Variants in APPL2 observed in about 807,000 individuals in gnomAD.
The protein encoded by APPL2 is adaptor protein, phosphotyrosine interacting with PH domain and leucine zipper 2, also known as DCC-interacting protein 13-beta.
A neutral mutation model predicts 92.7 loss-of-function variants in APPL2; 84 were observed. The observed-to-expected ratio is 0.91, with a 90% CI of 0.76 to 1.09. The LOEUF is 1.09. Among genes scored for constraint, APPL2 ranks in the 50% least tolerant of loss-of-function variants. The pLI, the probability that APPL2 is intolerant of heterozygous loss-of-function variation, is 0.00. For synonymous variants in APPL2, 291 were observed against 291.0 expected, an observed-to-expected ratio of 1.00 and a Z score of 0.00; for missense variants, 736 against 824.5, an observed-to-expected ratio of 0.89 and a Z score of 1.31.
Position 105,203,712 on chromosome 12 carries a change from A to C in APPL2, c.695T>G (p.Met232Arg), listed in dbSNP as rs769148219. The change falls in exon 9 of 21, where the codon ATG becomes AGG. Residue 232 changes from methionine to arginine, a missense_variant. Met to Arg is a moderately conservative substitution (Grantham distance 91). Coordinates refer to ENST00000258530, the MANE Select transcript of APPL2 (RefSeq NM_018171.5). ...MDSFLSSVAD[M>R]VQSIQVELEA... ...CGGAGTGCAGCATTACCTTTGAACCATGTCTGCAACGGAGGATAAAAAGCT... is the reference window on the plus strand; with the variant it reads ...CGGAGTGCAGCATTACCTTTGAACCCTGTCTGCAACGGAGGATAAAAAGCT... 4.3e-6 allele frequency: 7 copies of C among 1,614,084 alleles called. No individual in the cohort carries two copies. The South Asian group carries it at 6.6e-5, about 15-fold the overall frequency.
At chr12:105,179,130 T>C (rs888675919) in intron 17 of APPL2, among the ~76,000 whole-genome samples, 18 of 152,130 alleles carry the variant, frequency 1.2e-4, no homozygotes, top group Admixed American at 2.0e-4. Context: ...ATGCTATCCC[T>C]CCCCTTGACA....
chr12:105,197,715 G>C (rs769585894), intron 11 of APPL2, 50 bp downstream of exon 11: 1 of 1,608,046 alleles, frequency 6.2e-7, no homozygotes, highest in African/African-American at 1.3e-5. Context: ...CTTGGAACGG[G>C]TGGAACCACT....
chr12:105,234,740 T>C (rs1433852721), intron 1 of APPL2, among the ~76,000 whole-genome samples: 1 of 152,164 alleles, frequency 6.6e-6, no homozygotes, highest in African/African-American at 2.4e-5. Context: ...AAATGCCTTC[T>C]ACCAAGGGCT....
chr12:105,217,526 G>A, intron 3 of APPL2, 140 bp downstream of exon 3: 1 of 766,552 alleles, frequency 1.3e-6, no homozygotes, highest in Non-Finnish European at 2.1e-6. Flanking sequence ...CAATACATCA[G>A]TGGAAGGGAA....
intron 4 of APPL2, 82 bp downstream of exon 4, chr12:105,216,987 A>T: frequency 1.0e-6 from 1 of 998,926 alleles, no homozygotes; most frequent in Non-Finnish European, 1.5e-6. Context: ...GTAGAAATTT[A>T]AAAATGGAAA....
intron 17 of APPL2, among the ~76,000 whole-genome samples, chr12:105,179,668 G>A (rs1215037442): frequency 3.9e-5 from 6 of 152,042 alleles, no homozygotes; most frequent in Non-Finnish European, 7.4e-5. Context: ...TTTAATGATC[G>A]CCATTCTAAC....
chr12:105,185,304 C>A (rs889658058), intron 17 of APPL2, among the ~76,000 whole-genome samples: 2 of 152,044 alleles, frequency 1.3e-5, no homozygotes, highest in Admixed American at 6.6e-5. Flanking sequence ...CACTGGGGTG[C>A]GAAAAAAATT....
intron 9 of APPL2, 61 bp from the exon 10 acceptor site, chr12:105,199,592 G>T: frequency 6.5e-7 from 1 of 1,535,020 alleles, no homozygotes; most frequent in Non-Finnish European, 8.8e-7. Context: ...CTACTAAGAA[G>T]CCACTGGCAG....
intron 5 of APPL2, among the ~76,000 whole-genome samples, chr12:105,209,570 T>G (rs1006556592): frequency 1.3e-5 from 2 of 152,136 alleles, no homozygotes; most frequent in African/African-American, 4.8e-5. Flanking sequence ...TCTTAGGAGA[T>G]GATTATTTTC....
At chr12:105,225,811 T>C (rs555189568) in intron 2 of APPL2, among the ~76,000 whole-genome samples, 1 of 152,246 alleles carries the variant, frequency 6.6e-6, no homozygotes, top group Non-Finnish European at 1.5e-5. Context: ...AAACTGCTCA[T>C]AGAAGTTTTC....
At chr12:105,189,716 T>C in intron 16 of APPL2, 56 bp downstream of exon 16, 1 of 1,527,186 alleles carries the variant, frequency 6.5e-7, no homozygotes, top group South Asian at 1.1e-5. Context: ...CTTATTTCAA[T>C]GGCCGTTGTC....
At position 105,188,352 on chromosome 12, in the gene APPL2, G is replaced by T; in HGVS notation, c.1555C>A (p.Gln519Lys). The change falls in exon 17 of 21, where the codon CAA (glutamine) becomes AAA (lysine). Residue 519 changes from glutamine to lysine, a missense_variant. Gln to Lys is a moderately conservative substitution (Grantham distance 53). Transcript: ENST00000258530. ...TTEVIYEAMR[Q>K]VLAARAIHNI... Reference sequence around the variant, plus strand: ...TGAATAGCCCGAGCAGCCAATACTTGTCTCATCGCTTCATAAATCACTTCA... The same window carrying T: ...TGAATAGCCCGAGCAGCCAATACTTTTCTCATCGCTTCATAAATCACTTCA... 2 of 1,614,192 alleles carry T rather than the reference G, an allele frequency of 1.2e-6. No homozygotes were observed. The highest frequency in any genetic ancestry group is 1.3e-5 in the African/African-American group (1 of 75,064).
chr12:105,183,202 CTT>C (rs1268076166), intron 17 of APPL2, among the ~76,000 whole-genome samples: 10 of 150,032 alleles, frequency 6.7e-5, no homozygotes, highest in Non-Finnish European at 1.3e-4. Context: ...GGTCTTGACT[CTT>C]TATCCAATGT....
intron 2 of APPL2, among the ~76,000 whole-genome samples, chr12:105,219,343 T>A (rs767889929): frequency 9.8e-5 from 15 of 152,324 alleles, no homozygotes; most frequent in Non-Finnish European, 1.8e-4. Flanking sequence ...GTGGCTCTTT[T>A]TCCTCAGAAG....
chr12:105,226,783 A>G (rs901548659), intron 2 of APPL2, among the ~76,000 whole-genome samples: 3 of 152,180 alleles, frequency 2.0e-5, no homozygotes, highest in African/African-American at 7.2e-5. Context: ...CGAAGTTCTC[A>G]TTTCTCTAAA....
intron 16 of APPL2, 51 bp from the exon 17 acceptor site, chr12:105,188,498 T>G (rs1886927619): frequency 1.3e-6 from 2 of 1,595,156 alleles, no homozygotes; most frequent in African/African-American, 2.7e-5. Flanking sequence ...CTGCTGCTGT[T>G]GATCTGCATA....
chr12:105,227,253 T>C (rs549156843), intron 2 of APPL2, among the ~76,000 whole-genome samples: 3 of 152,270 alleles, frequency 2.0e-5, no homozygotes, highest in Middle Eastern at 3.4e-3. Context: ...CCTCCCGTCT[T>C]GGTCTCCCAA....
At chr12:105,193,192 T>C (rs142572369) in intron 14 of APPL2, among the ~76,000 whole-genome samples, 3 of 152,290 alleles carry the variant, frequency 2.0e-5, no homozygotes, top group Non-Finnish European at 2.9e-5. Context: ...TTGCTTATTC[T>C]AGAATAGGGG....
chr12:105,174,179 G>C lies in APPL2; in HGVS notation c.*135C>G. ...TTTCCCTCCCAAGTCTCAGTATCAA[G>C]GCATCAAGATTACATTCCACAAACG... On this transcript the variant is annotated 3_prime_UTR_variant, in exon 21 of 21. Transcript: ENST00000258530. 1 of 1,067,128 alleles carries C rather than the reference G, an allele frequency of 9.4e-7. No homozygotes were observed. The highest frequency in any genetic ancestry group is 1.3e-6 in the Non-Finnish European group (1 of 759,566). The allele number at this position is 1,067,128 out of a possible 1,614,324, so 66.1% of individuals were successfully genotyped here.
Sources: gnomAD v4.1 joint callset for allele counts (sites outside exome capture counted in the v4.1 genomes callset) on GRCh38, gnomAD v4.1.1 for gene constraint, MANE v1.5 for transcripts, NCBI Gene and HGNC (gene_info 2026-07-23, HGNC 2026-07-21) for gene names.